The following PRRT3 variants were observed in gnomAD, a reference collection of about 807,000 sequenced individuals.
PRRT3 encodes the protein proline rich transmembrane protein 3.
In PRRT3, 48 loss-of-function variants were observed where a neutral mutation model predicts 56.6. The ratio of observed to expected loss-of-function variants is 0.85; its 90% confidence interval spans 0.67 to 1.08. The LOEUF is 1.08. PRRT3 is among the 50% of genes least tolerant of loss of function. PRRT3 has a pLI of 0.00. For missense variants in PRRT3, 1,370 were observed against 1,353.1 expected (o/e 1.01, Z -0.20); for synonymous variants, 641 against 619.1 (o/e 1.04, Z -0.52).
intron 1 of PRRT3, among the ~76,000 whole-genome samples, chr3:9,951,714 G>C (rs1482335245): frequency 1.3e-5 from 2 of 152,100 alleles, no homozygotes; most frequent in Non-Finnish European, 2.9e-5. Flanking sequence ...AGGCTCCTGC[G>C]CTGAGCTTAG....
Position 9,947,983 on chromosome 3 carries a change from G to A in PRRT3, c.1190C>T (p.Pro397Leu), listed in dbSNP as rs1275941809. Residue 397 changes from proline (P) to leucine (L), a missense_variant, in exon 4 of 4, where the codon CCG (proline) becomes CTG (leucine). By Grantham distance (98) the Pro-to-Leu change is moderately conservative (BLOSUM62 -3). Transcript: ENST00000412055. The surrounding 1 kb of genome is among the most constrained non-coding windows in gnomAD (Gnocchi z 9.2). ...ALQPDEAEEW[P>L]GRPQSHPPAP... ...TGGGGGATGGCTTTGGGGGCGCCCC[G>A]GCCACTCCTCGGCTTCATCTGCAAT... 9 of 1,353,762 alleles carry A rather than the reference G, an allele frequency of 6.6e-6. No individual in the cohort carries two copies. Among genetic ancestry groups the A allele is most frequent in the Non-Finnish European group, 8.5e-6 (9 of 1,054,486 alleles). The allele number at this position is 1,353,762 out of a possible 1,614,324, so 83.9% of individuals were successfully genotyped here.
At chr3:9,948,377 T>C (rs756923502) in intron 3 of PRRT3, 4 of 369,848 alleles carry the variant, frequency 1.1e-5, no homozygotes, top group Non-Finnish European at 1.9e-5. Flanking sequence ...TCATCCAGGC[T>C]GGTGTGCAGT....
At position 9,949,054 on chromosome 3, in the gene PRRT3, C is replaced by T; in HGVS notation, c.1015+47G>A. The T allele has an allele frequency of 1.3e-6, 2 of 1,535,142 alleles. No homozygotes were observed. The highest frequency in any genetic ancestry group is 1.7e-6 in the Non-Finnish European group (2 of 1,147,180). On this transcript the variant is annotated intron_variant, in intron 2 of 3. Coordinates refer to ENST00000412055, the MANE Select transcript of PRRT3 (RefSeq NM_207351.5). The surrounding 1 kb of genome is among the most constrained non-coding windows in gnomAD (Gnocchi z 4.5). ...GACCCAGGGTCAAACAGAATTGAGGCATCCAGCTGCCCCAGAACATCGCTC... is the reference window on the plus strand; with the variant it reads ...GACCCAGGGTCAAACAGAATTGAGGTATCCAGCTGCCCCAGAACATCGCTC...
In PRRT3 at chr3:9,949,791, G is replaced by A. The variant is rs1435513380; in HGVS notation, c.325C>T (p.Arg109Ter). The change falls in exon 2 of 4, where the codon CGA becomes TGA. Residue 109 changes from arginine (R) to a stop codon, truncating the protein, a stop_gained. Coordinates refer to ENST00000412055, the MANE Select transcript of PRRT3 (RefSeq NM_207351.5). LOFTEE classifies it high-confidence loss of function. The surrounding 1 kb of genome is among the most constrained non-coding windows in gnomAD (Gnocchi z 4.5). The stretch of plus-strand genomic sequence containing the variant: ...TGGAGGTCATCAGTTACTGGGAGTC[G>A]TTCTCTCTGAGCTCCTTGTGCTGCT... ...PKAAQGAQRE[R>*]LPVTDDLQMA... is the part of the protein sequence containing the mutation. 27 of 1,614,058 alleles carry A rather than the reference G, an allele frequency of 1.7e-5. No homozygotes were observed. The highest frequency in any genetic ancestry group is 2.1e-5 in the Non-Finnish European group (25 of 1,180,028).
At chr3:9,948,516 TA>T in intron 3 of PRRT3, 1 of 541,666 alleles carries the variant, frequency 1.8e-6, no homozygotes, top group Non-Finnish European at 3.2e-6. Context: ...TTTTTTGTTC[TA>T]AACATATCCA....
In PRRT3 at chr3:9,946,363, G is replaced by A; in HGVS notation, c.2810C>T (p.Thr937Met). The A allele has an allele frequency of 6.2e-7, 1 of 1,610,000 alleles. No individual in the cohort carries two copies. Among genetic ancestry groups the A allele is most frequent in the Non-Finnish European group, 8.5e-7 (1 of 1,178,064 alleles). Residue 937 changes from threonine to methionine, a missense_variant, in exon 4 of 4, where the codon ACG (threonine) becomes ATG (methionine). Transcript: ENST00000412055. The surrounding 1 kb of genome is among the most constrained non-coding windows in gnomAD (Gnocchi z 4.1). ...DSLPLDELPSTVQLLPAPTPA... is the reference protein window; with the variant it reads ...DSLPLDELPSMVQLLPAPTPA... ...GGTCGGGGCAGGCAGTAGCTGTACC[G>A]TGCTGGGCAACTCATCTAGGGGCAG...
chr3:9,945,554 G>A lies in PRRT3; in HGVS notation c.*673C>T, dbSNP rs1458178849. 6.5e-6 allele frequency: 1 copy of A among 152,788 alleles called. No homozygotes were observed. The highest frequency in any genetic ancestry group is 6.5e-5 in the Admixed American group (1 of 15,282). The allele number at this position is 152,788 out of a possible 1,614,324, so 9.5% of individuals were successfully genotyped here. On this transcript the variant is annotated 3_prime_UTR_variant, in exon 4 of 4. Coordinates refer to ENST00000412055, the MANE Select transcript of PRRT3 (RefSeq NM_207351.5). ...AGGGAAGCATGAGCCAAGTCCTAAG[G>A]GTTTATTTCTTTGGCACAAAGAGGA...
chr3:9,946,593 G>A lies in PRRT3; in HGVS notation c.2580C>T (p.Leu860=). The stretch of plus-strand genomic sequence containing the variant: ...GGAGGAGCGAGGAGCCAGCGTCGTC[G>A]AGCTCGGCTTTGGGATGGCTGCCCC... ...PRRGSHPKAE[L]DDAGSSLLRG... The change falls in exon 4 of 4, where the codon CTC becomes CTT. Residue 860 remains leucine (L), a synonymous_variant. Coordinates refer to ENST00000412055, the MANE Select transcript of PRRT3 (RefSeq NM_207351.5). This position sits in a 1 kb window ranked among gnomAD's most constrained non-coding sequence, Gnocchi z 4.1. 1.4e-6 allele frequency: 2 copies of A among 1,401,500 alleles called. No individual in the cohort carries two copies. Among genetic ancestry groups the A allele is most frequent in the Non-Finnish European group, 1.8e-6 (2 of 1,082,878 alleles). 86.8% of individuals were successfully genotyped at this position (1,401,500 alleles called of 1,614,324 possible). A position where few individuals can be genotyped will look rare whatever the true frequency, so the allele number is the denominator to read the frequency against.
intron 1 of PRRT3, among the ~76,000 whole-genome samples, chr3:9,951,501 C>T (rs901656195): frequency 5.9e-5 from 9 of 152,196 alleles, no homozygotes; most frequent in Admixed American, 3.3e-4. Flanking sequence ...CCTCCAAACT[C>T]GAGTTTAGAC....
In PRRT3 at chr3:9,949,159, T is replaced by C. The variant is rs756506274; in HGVS notation, c.957A>G (p.Pro319=). The C allele has an allele frequency of 1.9e-6, 3 of 1,612,214 alleles. No homozygotes were observed. The highest frequency in any genetic ancestry group is 2.2e-5 in the South Asian group (2 of 90,970). ...CGGGTGGATCCGTGGGCTGGGGTCC[T>C]GGTGAATCCTTAGCGTCAGGAAGGT... ...QADLPDAKDS[P]GPQPTDPPAS... Residue 319 remains proline, a synonymous_variant, in exon 2 of 4, where the codon CCA becomes CCG. Transcript: ENST00000412055. The surrounding 1 kb of genome is among the most constrained non-coding windows in gnomAD (Gnocchi z 4.5).
chr3:9,946,465 G>T lies in PRRT3; in HGVS notation c.2708C>A (p.Ser903Tyr), dbSNP rs1407009037. The change falls in exon 4 of 4, where the codon TCC (serine) becomes TAC (tyrosine). Residue 903 changes from serine to tyrosine, a missense_variant. By Grantham distance (144) the Ser-to-Tyr change is moderately radical. Transcript: ENST00000412055. This position sits in a 1 kb window ranked among gnomAD's most constrained non-coding sequence, Gnocchi z 4.1. ...TGAACCCCTGGAGAAGCTGTCGAGG[G>T]AGCTGCCAGAAGCCGCAGCGGCTGC... ...DGAAAAASGS[S>Y]LDSFSRGSLK... 2.6e-6 allele frequency: 4 copies of T among 1,567,488 alleles called. No individual in the cohort carries two copies. The highest frequency in any genetic ancestry group is 2.4e-5 in the East Asian group (1 of 41,742).
chr3:9,946,828 G>A lies in PRRT3; in HGVS notation c.2345C>T (p.Pro782Leu), dbSNP rs371533970. 490 of 1,541,956 alleles carry A rather than the reference G, an allele frequency of 3.2e-4. No homozygotes were observed. The highest frequency in any genetic ancestry group is 4.1e-4 in the Non-Finnish European group (471 of 1,150,340). Residue 782 changes from proline (P) to leucine (L), a missense_variant, in exon 4 of 4, where the codon CCC becomes CTC. Coordinates refer to ENST00000412055, the MANE Select transcript of PRRT3 (RefSeq NM_207351.5). This position sits in a 1 kb window ranked among gnomAD's most constrained non-coding sequence, Gnocchi z 4.1. ...WGSAASLGRG[P>L]QGGPGLSRNG... ...GCGGGACAGTCCCGGGCCACCCTGGGGTCCGCGACCCAACGACGCAGCCGA... is the reference window on the plus strand; with the variant it reads ...GCGGGACAGTCCCGGGCCACCCTGGAGTCCGCGACCCAACGACGCAGCCGA...
chr3:9,950,028 A>G lies in PRRT3; in HGVS notation c.88T>C (p.Phe30Leu). The G allele has an allele frequency of 6.6e-7, 1 of 1,524,904 alleles. No individual in the cohort carries two copies. Among genetic ancestry groups the G allele is most frequent in the East Asian group, 2.3e-5 (1 of 44,170 alleles). 94.5% of individuals were successfully genotyped at this position (1,524,904 alleles called of 1,614,324 possible). The change falls in exon 2 of 4, where the codon TTT (phenylalanine) becomes CTT (leucine). Residue 30 changes from phenylalanine (F) to leucine (L), a missense_variant. Coordinates refer to ENST00000412055, the MANE Select transcript of PRRT3 (RefSeq NM_207351.5). ...LGTGPALGRG[F>L]PRPLENSEIP... is the part of the protein sequence containing the mutation. ...TCGGAGTTTTCAAGTGGCCTGGGAA[A>G]GCCCCTCCCCAGGGCAGGGCCAGTC...
At chr3:9,951,616 C>T (rs2085620967) in intron 1 of PRRT3, among the ~76,000 whole-genome samples, 1 of 152,116 alleles carries the variant, frequency 6.6e-6, no homozygotes, top group Non-Finnish European at 1.5e-5. Flanking sequence ...GGGCTTTGCT[C>T]CAGGGTTGGG....
In PRRT3 at chr3:9,949,692, C is replaced by A. The variant is rs769935073; in HGVS notation, c.424G>T (p.Val142Leu). 6.2e-7 allele frequency: 1 copy of A among 1,614,034 alleles called. No individual in the cohort carries two copies. Among genetic ancestry groups the A allele is most frequent in the Admixed American group, 1.7e-5 (1 of 60,004 alleles). ...DSQELLQQEA[V>L]APHPVGHPHL... ...GGGTGGCCCACTGGGTGGGGAGCCA[C>A]TGCTTCTTGCTGCAGAAGCTCTTGT... The change falls in exon 2 of 4, where the codon GTG becomes TTG. Residue 142 changes from valine to leucine, a missense_variant. Transcript: ENST00000412055. This position sits in a 1 kb window ranked among gnomAD's most constrained non-coding sequence, Gnocchi z 4.5.
At position 9,947,924 on chromosome 3, in the gene PRRT3, G is replaced by A. The variant is rs761781047; in HGVS notation, c.1249C>T (p.Arg417Trp). ...TGCGTGGTGACTCGAATGAGGCCCC[G>A]GCGTGACGTCGAGGGGGCCTGGACT... Reference protein sequence around the residue: ...PPVQAPSTSRRGLIRVTTQRA... With the variant: ...PPVQAPSTSRWGLIRVTTQRA... Residue 417 changes from arginine (R) to tryptophan (W), a missense_variant, in exon 4 of 4, where the codon CGG (arginine) becomes TGG (tryptophan). Arg to Trp is a moderately radical substitution (Grantham distance 101). Coordinates refer to ENST00000412055, the MANE Select transcript of PRRT3 (RefSeq NM_207351.5). This position sits in a 1 kb window ranked among gnomAD's most constrained non-coding sequence, Gnocchi z 9.2. 1.6e-5 allele frequency: 23 copies of A among 1,418,130 alleles called. No homozygotes were observed. The highest frequency in any genetic ancestry group is 2.7e-5 in the East Asian group (1 of 36,704). The allele number at this position is 1,418,130 out of a possible 1,614,324, so 87.8% of individuals were successfully genotyped here.
At chr3:9,948,470 G>A in intron 3 of PRRT3, 1 of 499,592 alleles carries the variant, frequency 2.0e-6, no homozygotes, top group East Asian at 3.3e-5. Context: ...GGGACTACAG[G>A]TATGCACCAC....
rs2085510509 is a variant in PRRT3, at chr3:9,945,996, T to C, written c.*231A>G. 3.6e-6 allele frequency: 2 copies of C among 552,854 alleles called. No individual in the cohort carries two copies. The highest frequency in any genetic ancestry group is 3.9e-5 in the Admixed American group (1 of 25,724). The allele number at this position is 552,854 out of a possible 1,614,324, so 34.2% of individuals were successfully genotyped here. On this transcript the variant is annotated 3_prime_UTR_variant, in exon 4 of 4. Coordinates refer to ENST00000412055, the MANE Select transcript of PRRT3 (RefSeq NM_207351.5). ...CTACAGGCGTGTGCCACCTGGCTAA[T>C]TTTTTTGTATTTTTAGTAGAGACGA...
rs2085539976 is a variant in PRRT3, at chr3:9,947,167, C to T, written c.2006G>A (p.Gly669Asp). The T allele has an allele frequency of 2.6e-6, 4 of 1,534,180 alleles. No homozygotes were observed. In the Admixed American group the frequency reaches 5.9e-5, roughly 23 times the overall value. ...ACCCCACCAGGCCCACGAGAAGCGGCCCACGCGGCCTGGGCCCGGGTACAG... is the reference window on the plus strand; with the variant it reads ...ACCCCACCAGGCCCACGAGAAGCGGTCCACGCGGCCTGGGCCCGGGTACAG... ...LWLYPGPGRV[G>D]RFSWAWWGVH... The change falls in exon 4 of 4, where the codon GGC (glycine) becomes GAC (aspartate). Residue 669 changes from glycine (G) to aspartate (D), a missense_variant. By Grantham distance (94) the Gly-to-Asp change is moderately conservative (BLOSUM62 -1). Transcript: ENST00000412055. The surrounding 1 kb of genome is among the most constrained non-coding windows in gnomAD (Gnocchi z 9.2).
Sources: gnomAD v4.1 joint callset for allele counts (sites outside exome capture counted in the v4.1 genomes callset) on GRCh38, gnomAD v4.1.1 for gene constraint, Gnocchi (gnomAD v3.1) non-coding constraint, MANE v1.5 for transcripts, NCBI Gene and HGNC (gene_info 2026-07-23, HGNC 2026-07-21) for gene names.